The following PRKCB variants were observed in gnomAD, a reference collection of about 807,000 sequenced individuals.
PRKCB encodes the protein protein kinase C beta type.
In PRKCB, 13 loss-of-function variants were observed where a neutral mutation model predicts 81.5. That is an observed-to-expected ratio of 0.16 (90% CI 0.10 to 0.25). The LOEUF (loss-of-function observed/expected upper bound fraction) is 0.25, where lower values mean the gene tolerates loss of function less well. PRKCB is among the 10% of genes least tolerant of loss of function. The probability of loss-of-function intolerance (pLI) is 1.00; values close to 1 mark genes in which losing one functional copy is unlikely to be tolerated. For missense variants in PRKCB, 509 were observed against 875.7 expected (o/e 0.58, Z 5.29); for synonymous variants, 335 against 321.4 (o/e 1.04, Z -0.45).
At chr16:24,178,895 T>C (rs891261215) in intron 12 of PRKCB, among the ~76,000 whole-genome samples, 19 of 152,216 alleles carry the variant, frequency 1.2e-4, no homozygotes, top group African/African-American at 4.6e-4. Context: ...GAGGCATTTA[T>C]TGGTGACATA....
At position 24,089,481 on chromosome 16, in the gene PRKCB, C is replaced by G. The variant is rs949932115; in HGVS notation, c.530-3310C>G. On this transcript the variant is annotated intron_variant, in intron 5 of 16. Coordinates refer to ENST00000643927, the MANE Select transcript of PRKCB (RefSeq NM_002738.7). ...GTTAACTCTTCATAATAAAAATAGA[C>G]AAACAGGCAAGGCATGGTGGCTCAC... Among the ~76,000 whole-genome samples, 5 of 152,178 alleles carry G rather than the reference C, an allele frequency of 3.3e-5. No individual in the cohort carries two copies. The East Asian group carries it at 9.6e-4, about 29-fold the overall frequency.
At chr16:24,192,711 G>A (rs1967812547) in intron 16 of PRKCB, among the ~76,000 whole-genome samples, 1 of 152,202 alleles carries the variant, frequency 6.6e-6, no homozygotes, top group South Asian at 2.1e-4. Context: ...TGCAGTATCA[G>A]TATGCAGTGT....
At chr16:23,908,883 G>A (rs1385344660) in intron 2 of PRKCB, among the ~76,000 whole-genome samples, 1 of 152,194 alleles carries the variant, frequency 6.6e-6, no homozygotes, top group Non-Finnish European at 1.5e-5. Context: ...AAATAGAGGT[G>A]AGCAAAAGGA....
chr16:24,138,845 CTTTTTTTT>C lies in PRKCB; in HGVS notation c.1065+14882_1065+14889del, dbSNP rs991952336. On this transcript the variant is annotated intron_variant, in intron 9 of 16. Coordinates refer to ENST00000643927, the MANE Select transcript of PRKCB (RefSeq NM_002738.7). The stretch of plus-strand genomic sequence containing the variant: ...ATATGTGAGATCATACAGTATTTGT[CTTTTTTTT>C]TTTTTTTTTTTTTTTTTGAGACACA... Among the ~76,000 whole-genome samples the C allele has an allele frequency of 9.0e-3, 706 of 78,878 alleles. 4 individuals are homozygous for C. Among genetic ancestry groups the C allele is most frequent in the African/African-American group, 0.035 (663 of 18,800 alleles). The allele number at this position is 78,878 out of a possible 152,430, so 51.7% of individuals were successfully genotyped here.
In PRKCB at chr16:24,164,907, T is replaced by G. The variant is rs552163171; in HGVS notation, c.1240-7363T>G. The stretch of plus-strand genomic sequence containing the variant: ...GGAGGAATGGGGAACAAAGGCAAAT[T>G]TAAGGGTGCTATGGAGGGGAATAAT... On this transcript the variant is annotated intron_variant, in intron 10 of 16. Transcript: ENST00000643927. 1.1e-3 allele frequency among the ~76,000 whole-genome samples: 162 copies of G among 152,254 alleles called. 1 individual carries two copies. The highest frequency in any genetic ancestry group is 2.7e-3 in the South Asian group (13 of 4,824).
chr16:23,970,530 CT>C (rs973155443), intron 2 of PRKCB, among the ~76,000 whole-genome samples: 3 of 152,200 alleles, frequency 2.0e-5, no homozygotes, highest in African/African-American at 4.8e-5. Context: ...CAAACCCTCA[CT>C]TTTTTTACTT....
intron 2 of PRKCB, among the ~76,000 whole-genome samples, chr16:23,878,882 A>G (rs1219101837): frequency 6.6e-6 from 1 of 152,082 alleles, no homozygotes; most frequent in African/African-American, 2.4e-5. Context: ...TTAAGAGGCA[A>G]TGTAGTGTTG....
In PRKCB at chr16:24,213,325, G is replaced by A. The variant is rs116448665; in HGVS notation, c.1864-1333G>A. Among the ~76,000 whole-genome samples the A allele has an allele frequency of 4.0e-3, 611 of 152,242 alleles. 4 individuals carry two copies. The highest frequency in any genetic ancestry group is 0.014 in the African/African-American group (591 of 41,536). On this transcript the variant is annotated intron_variant, in intron 16 of 16. Coordinates refer to ENST00000643927, the MANE Select transcript of PRKCB (RefSeq NM_002738.7). ...TGGGATTACAGGCGTGAGCCACTGC[G>A]CCCAGTCACTGTACTTGTAAAAATG...
chr16:24,128,362 A>G (rs198194), intron 9 of PRKCB, among the ~76,000 whole-genome samples: 12,637 of 152,240 alleles, frequency 0.083, 1,529 homozygotes, highest in African/African-American at 0.26. Context: ...GTGACAGAGC[A>G]AGACACTGTC....
chr16:23,887,339 T>C (rs1053547093), intron 2 of PRKCB, among the ~76,000 whole-genome samples: 1 of 152,218 alleles, frequency 6.6e-6, no homozygotes, highest in African/African-American at 2.4e-5. Flanking sequence ...TTTTAAACCG[T>C]TACCCCCTTC....
At chr16:23,992,960 G>GA (rs1179715204) in intron 3 of PRKCB, among the ~76,000 whole-genome samples, 1 of 152,032 alleles carries the variant, frequency 6.6e-6, no homozygotes. Flanking sequence ...CCCACTCAGG[G>GA]TGGCATTGGC....
intron 2 of PRKCB, among the ~76,000 whole-genome samples, chr16:23,980,963 C>T (rs1964692707): frequency 6.6e-6 from 1 of 151,830 alleles, no homozygotes; most frequent in South Asian, 2.1e-4. Flanking sequence ...CGAGAGGGCC[C>T]CTGTCACCCA....
At chr16:24,124,094 A>G (rs918034435) in intron 9 of PRKCB, 113 bp downstream of exon 9, 13 of 1,222,920 alleles carry the variant, frequency 1.1e-5, no homozygotes, top group African/African-American at 3.0e-5. Context: ...TAAGAAGTAA[A>G]TAGAGCCACA....
intron 3 of PRKCB, among the ~76,000 whole-genome samples, chr16:23,999,197 G>A (rs1161837542): frequency 6.6e-6 from 1 of 152,178 alleles, no homozygotes; most frequent in Non-Finnish European, 1.5e-5. Context: ...AGGTATGGAG[G>A]GGTGCCCTCT....
At chr16:24,048,636 T>C (rs1317367287) in intron 5 of PRKCB, among the ~76,000 whole-genome samples, 1 of 152,074 alleles carries the variant, frequency 6.6e-6, no homozygotes, top group African/African-American at 2.4e-5. Flanking sequence ...ACTACAGGCA[T>C]GCGCCACCAT....
intron 2 of PRKCB, among the ~76,000 whole-genome samples, chr16:23,861,049 C>A (rs147366208): frequency 6.6e-6 from 1 of 152,260 alleles, no homozygotes; most frequent in African/African-American, 2.4e-5. Context: ...AGACTCAGAG[C>A]TATGTACCTG....
At chr16:23,915,689 C>CAAAAAAAAAAAAAAAAAAA (rs71154259) in intron 2 of PRKCB, among the ~76,000 whole-genome samples, 1 of 54,546 alleles carries the variant, frequency 1.8e-5, no homozygotes, top group African/African-American at 7.7e-5. Flanking sequence ...GACTCTCTAT[C>CAAAAAAAAAAAAAAAAAAA]AAAAAAAAAA....
At chr16:23,901,928 C>T (rs1963480802) in intron 2 of PRKCB, among the ~76,000 whole-genome samples, 1 of 152,142 alleles carries the variant, frequency 6.6e-6, no homozygotes, top group South Asian at 2.1e-4. Flanking sequence ...GTGTGTGTGC[C>T]TTGTTCGTTA....
intron 2 of PRKCB, among the ~76,000 whole-genome samples, chr16:23,896,769 T>G (rs1159306873): frequency 6.6e-6 from 1 of 152,228 alleles, no homozygotes; most frequent in Non-Finnish European, 1.5e-5. Context: ...ACAATTAGCT[T>G]TTGAATTAAA....
Sources: gnomAD v4.1 joint callset for allele counts (sites outside exome capture counted in the v4.1 genomes callset) on GRCh38, gnomAD v4.1.1 for gene constraint, MANE v1.5 for transcripts, NCBI Gene and HGNC (gene_info 2026-07-23, HGNC 2026-07-21) for gene names.